Variants in LIX1L observed in about 807,000 individuals in gnomAD.
The protein encoded by LIX1L is limb and CNS expressed 1 like, also known as LIX1-like protein.
Under a neutral mutation model 34.0 loss-of-function variants are expected in LIX1L, and 20 were observed. That is an observed-to-expected ratio of 0.59 (90% confidence interval 0.41 to 0.85). LIX1L has a LOEUF of 0.85. LIX1L is among the 40% of genes least tolerant of loss of function. LIX1L has a pLI of 0.00. For synonymous variants in LIX1L, 170 were observed against 187.4 expected, an observed-to-expected ratio of 0.91 and a Z score of 0.76; for missense variants, 397 against 447.0, an observed-to-expected ratio of 0.89 and a Z score of 1.01.
chr1:145,947,571 C>T (rs1553759370), intron 2 of LIX1L, 48 bp downstream of exon 2: 2 of 1,590,542 alleles, frequency 1.3e-6, no homozygotes, highest in Admixed American at 1.7e-5. Context: ...AAAGCCGTTA[C>T]TAACATCTAA....
intron 2 of LIX1L, chr1:145,947,316 T>G: frequency 3.1e-6 from 1 of 317,634 alleles, no homozygotes. Context: ...GGAAGAAAGT[T>G]GGAATGCAAT....
Position 145,942,922 on chromosome 1 carries a change from G to A in LIX1L, c.457-69C>T, listed in dbSNP as rs1392722577. On this transcript the variant is annotated intron_variant, in intron 2 of 5. Transcript: ENST00000604000. ...TGAGAGAGAGGAAGGAACAGTGGGAGGGAAACACTTCAGATAGAAAACACT... is the reference window on the plus strand; with the variant it reads ...TGAGAGAGAGGAAGGAACAGTGGGAAGGAAACACTTCAGATAGAAAACACT... The A allele has an allele frequency of 5.5e-6, 8 of 1,459,576 alleles. No individual in the cohort carries two copies. In the African/African-American group the frequency reaches 1.1e-4, roughly 20 times the overall value. The allele number at this position is 1,459,576 out of a possible 1,614,324, so 90.4% of individuals were successfully genotyped here.
chr1:145,943,585 CTG>C (rs1417137683), intron 2 of LIX1L, among the ~76,000 whole-genome samples: 2 of 152,186 alleles, frequency 1.3e-5, no homozygotes, highest in African/African-American at 4.8e-5. Flanking sequence ...TAGAACAAGT[CTG>C]ATCTGCAGAA....
rs1449910596 is a variant in LIX1L at position 145,957,885 on chromosome 1, T to G, written c.43A>C (p.Thr15Pro). ...GCTCGGAGAGTGCCCCTCCCGCTGG[T>G]GCCCACACCAGGCTGCAGCCGCTGC... is the stretch of plus-strand genomic sequence containing the variant. Reference protein sequence around the residue: ...RAQRLQPGVGTSGRGTLRALR... With the variant: ...RAQRLQPGVGPSGRGTLRALR... The change falls in exon 1 of 6, where the codon ACC becomes CCC. Residue 15 changes from threonine (T) to proline (P), a missense_variant. Physicochemically the swap from Thr to Pro is conservative, Grantham distance 38. Transcript: ENST00000604000. 3 of 1,483,934 alleles carry G rather than the reference T, an allele frequency of 2.0e-6. No individual in the cohort carries two copies. Among genetic ancestry groups the G allele is most frequent in the Non-Finnish European group, 2.7e-6 (3 of 1,120,640 alleles). The allele number at this position is 1,483,934 out of a possible 1,614,324, so 91.9% of individuals were successfully genotyped here.
Position 145,937,630 on chromosome 1 carries a change from T to C in LIX1L, c.667A>G (p.Lys223Glu). 1 of 1,613,552 alleles carries C rather than the reference T, an allele frequency of 6.2e-7. No homozygotes were observed. Among genetic ancestry groups the C allele is most frequent in the East Asian group, 2.2e-5 (1 of 44,888 alleles). Residue 223 changes from lysine to glutamate, a missense_variant, in exon 4 of 6, where the codon AAG becomes GAG. Coordinates refer to ENST00000604000, the MANE Select transcript of LIX1L (RefSeq NM_153713.3). ...TGGAACTCCAACATTGATTTGCCCT[T>C]GTTGGATTCCAGCATGAATCGGAAG... ...GAFRFMLESN[K>E]GKSMLEFQEL...
chr1:145,944,097 C>G (rs1189883613), intron 2 of LIX1L, among the ~76,000 whole-genome samples: 1 of 152,110 alleles, frequency 6.6e-6, no homozygotes, highest in Non-Finnish European at 1.5e-5. Context: ...TGGCTCATGC[C>G]TGTAATCCCA....
chr1:145,943,105 C>A (rs1193205501), intron 2 of LIX1L, among the ~76,000 whole-genome samples: 1 of 152,176 alleles, frequency 6.6e-6, no homozygotes, highest in Admixed American at 6.5e-5. Flanking sequence ...GAATGCAGAA[C>A]GAGGAAGGCT....
At chr1:145,939,638 CTTT>C (rs587705670) in intron 3 of LIX1L, among the ~76,000 whole-genome samples, 5 of 132,732 alleles carry the variant, frequency 3.8e-5, no homozygotes, top group Admixed American at 7.7e-5. Flanking sequence ...TTTTCTTTTT[CTTT>C]TTTTTTTTTT....
chr1:145,953,490 T>C (rs587718802), intron 1 of LIX1L, among the ~76,000 whole-genome samples: 73 of 152,278 alleles, frequency 4.8e-4, no homozygotes, highest in African/African-American at 1.3e-3. Context: ...CTATTTCCTA[T>C]TTCAATGTTT....
Position 145,940,717 on chromosome 1 carries a change from AT to A in LIX1L, c.597+1995del, listed in dbSNP as rs782462548. Among the ~76,000 whole-genome samples the A allele has an allele frequency of 4.7e-3, 635 of 136,192 alleles. 1 individual carries two copies. Among genetic ancestry groups the A allele is most frequent in the Admixed American group, 8.9e-3 (122 of 13,642 alleles). 89.3% of individuals were successfully genotyped at this position (136,192 alleles called of 152,430 possible). A position where few individuals can be genotyped will look rare whatever the true frequency, so the allele number is the denominator to read the frequency against. On this transcript the variant is annotated intron_variant, in intron 3 of 5. Transcript: ENST00000604000. ...AGGCGCGCACCACCACACCTGGCTA[AT>A]TTTTTTTTTTTTTTTAGTAGAGACG... is the stretch of plus-strand genomic sequence containing the variant.
chr1:145,942,934 A>G, intron 2 of LIX1L, 81 bp from the exon 3 acceptor site: 20 of 1,385,038 alleles, frequency 1.4e-5, no homozygotes, highest in Non-Finnish European at 2.0e-5. Context: ...GAAACACTTC[A>G]GATAGAAAAC....
rs587720380 is a variant in LIX1L at position 145,934,866 on chromosome 1, C to CAA, written c.*1442_*1443dup. The stretch of plus-strand genomic sequence containing the variant: ...TCAAAAACAAAAACAAAAACAAAAC[C>CAA]AAAAAAAAACCACAAATAGGCCAGG... On this transcript the variant is annotated 3_prime_UTR_variant, in exon 6 of 6. Coordinates refer to ENST00000604000, the MANE Select transcript of LIX1L (RefSeq NM_153713.3). 1 of 147,500 alleles carries CAA rather than the reference C, an allele frequency of 6.8e-6. No homozygotes were observed. The highest frequency in any genetic ancestry group is 1.5e-5 in the Non-Finnish European group (1 of 66,594). The allele number at this position is 147,500 out of a possible 1,614,324, so 9.1% of individuals were successfully genotyped here. A position where few individuals can be genotyped will look rare whatever the true frequency, so the allele number is the denominator to read the frequency against.
At chr1:145,941,739 T>C (rs1190739377) in intron 3 of LIX1L, among the ~76,000 whole-genome samples, 1 of 152,172 alleles carries the variant, frequency 6.6e-6, no homozygotes, top group Non-Finnish European at 1.5e-5. Context: ...CACTTCTGTG[T>C]TTTTAGTCTC....
chr1:145,957,813 G>C lies in LIX1L; in HGVS notation c.115C>G (p.Pro39Ala), dbSNP rs1553760622. Residue 39 changes from proline (P) to alanine (A), a missense_variant, in exon 1 of 6, where the codon CCT becomes GCT. Physicochemically the swap from Pro to Ala is conservative, Grantham distance 27 (BLOSUM62 -1). Coordinates refer to ENST00000604000, the MANE Select transcript of LIX1L (RefSeq NM_153713.3). ...GGCGGGGCAGGCGGGGGGCCCGCAG[G>C]GGGTGTGGCGGTGGCGGCCGCGGCC... ...TGAAAATATPPAGPPPAPPPP... is the reference protein window; with the variant it reads ...TGAAAATATPAAGPPPAPPPP... The C allele has an allele frequency of 1.0e-5, 14 of 1,371,986 alleles. No individual in the cohort carries two copies. The highest frequency in any genetic ancestry group is 1.5e-5 in the African/African-American group (1 of 65,968). The allele number at this position is 1,371,986 out of a possible 1,614,324, so 85.0% of individuals were successfully genotyped here.
chr1:145,936,496 C>T lies in LIX1L; in HGVS notation c.828G>A (p.Met276Ile), dbSNP rs1387040688. 23 of 1,614,028 alleles carry T rather than the reference C, an allele frequency of 1.4e-5. No homozygotes were observed. The highest frequency in any genetic ancestry group is 1.9e-5 in the Non-Finnish European group (23 of 1,180,042). ...GCTCCCGGCTCACCCAGTCCAAGGC[C>T]ATTTGGTGGCGAATATCATCATCCA... ...RALDDDIRHQ[M>I]ALDWVSREQS... Residue 276 changes from methionine (M) to isoleucine (I), a missense_variant, in exon 6 of 6, where the codon ATG becomes ATA. By Grantham distance (10) the Met-to-Ile change is conservative. Transcript: ENST00000604000.
rs782165542 is a variant in LIX1L at position 145,957,653 on chromosome 1, G to C, written c.275C>G (p.Thr92Arg). ...AGACTCACCTCGGCCATAGCCCTGC[G>C]TGTGCTTGGCGAAGCTCCTCACCAC... ...EAVVRSFAKHTQGYGRVNVVE... is the reference protein window; with the variant it reads ...EAVVRSFAKHRQGYGRVNVVE... Residue 92 changes from threonine (T) to arginine (R), a missense_variant, in exon 1 of 6, where the codon ACG (threonine) becomes AGG (arginine). Around this residue, in one of 3 missense-constraint regions of LIX1L, gnomAD observed 207 missense variants for 205.2 expected, o/e 1.01. Coordinates refer to ENST00000604000, the MANE Select transcript of LIX1L (RefSeq NM_153713.3). The C allele has an allele frequency of 2.6e-6, 4 of 1,542,362 alleles. No homozygotes were observed. The highest frequency in any genetic ancestry group is 2.6e-6 in the Non-Finnish European group (3 of 1,149,718).
rs1648581953 is a variant in LIX1L at position 145,935,004 on chromosome 1, T to A, written c.*1306A>T. ...CAACATGGTGAAACCCTGTCTCTAC[T>A]AAAAATATAAAAATTAGCCAGGCGT... On this transcript the variant is annotated 3_prime_UTR_variant, in exon 6 of 6. Transcript: ENST00000604000. 1 of 149,370 alleles carries A rather than the reference T, an allele frequency of 6.7e-6. No homozygotes were observed. Among genetic ancestry groups the A allele is most frequent in the Non-Finnish European group, 1.5e-5 (1 of 67,410 alleles). The allele number at this position is 149,370 out of a possible 1,614,324, so 9.3% of individuals were successfully genotyped here. A position where few individuals can be genotyped will look rare whatever the true frequency, so the allele number is the denominator to read the frequency against.
rs1199063659 is a variant in LIX1L at position 145,936,069 on chromosome 1, A to G, written c.*241T>C. The G allele has an allele frequency of 8.2e-6, 4 of 488,870 alleles. No individual in the cohort carries two copies. The Admixed American group carries it at 1.1e-4, about 14-fold the overall frequency. The allele number at this position is 488,870 out of a possible 1,614,324, so 30.3% of individuals were successfully genotyped here. A position where few individuals can be genotyped will look rare whatever the true frequency, so the allele number is the denominator to read the frequency against. On this transcript the variant is annotated 3_prime_UTR_variant, in exon 6 of 6. Transcript: ENST00000604000. ...GAAGTTTAAGAGCTAACAAAGCTGC[A>G]AAGACAAGCTGCTCTTTGTTGTAAA...
chr1:145,953,990 T>G (rs1553760087), intron 1 of LIX1L, among the ~76,000 whole-genome samples: 2 of 151,762 alleles, frequency 1.3e-5, no homozygotes, highest in Non-Finnish European at 2.9e-5. Context: ...AGCCCAGCAG[T>G]TCCAGGCTGC....
Sources: gnomAD v4.1 joint callset for allele counts (sites outside exome capture counted in the v4.1 genomes callset) on GRCh38, gnomAD v4.1.1 for gene constraint, gnomAD v4.1.1 regional missense constraint, MANE v1.5 for transcripts, NCBI Gene and HGNC (gene_info 2026-07-23, HGNC 2026-07-21) for gene names.